The following DIP2C variants were observed in gnomAD, a reference collection of about 807,000 sequenced individuals.
The protein encoded by DIP2C is DIP2 acetate--CoA ligase C (putative), also known as disco-interacting protein 2 homolog C.
DIP2C carries 33 observed loss-of-function variants against 192.4 expected under a neutral mutation model. The observed-to-expected ratio is 0.17, with a 90% CI of 0.13 to 0.23. The LOEUF (loss-of-function observed/expected upper bound fraction) is 0.23. Ranked by LOEUF, DIP2C falls within the 10% of genes least tolerant of loss-of-function variation. The pLI, the probability that DIP2C is intolerant of heterozygous loss-of-function variation, is 1.00. For missense variants in DIP2C, 1,537 were observed against 2,110.1 expected (o/e 0.73, Z 5.32); for synonymous variants, 979 against 864.1 (o/e 1.13, Z -2.33).
chr10:622,670 C>T (rs1034813726), intron 1 of DIP2C, among the ~76,000 whole-genome samples: 7 of 152,178 alleles, frequency 4.6e-5, no homozygotes, highest in African/African-American at 1.7e-4. Flanking sequence ...ACTAAATACC[C>T]GATATTGACT....
intron 32 of DIP2C, 125 bp downstream of exon 32, chr10:309,906 A>T: frequency 1.1e-6 from 1 of 925,180 alleles, no homozygotes; most frequent in Non-Finnish European, 1.7e-6. Context: ...TTCACTCATG[A>T]GACAGTTACA....
chr10:423,810 C>A lies in DIP2C; in HGVS notation c.395-777G>T, dbSNP rs117919551. The stretch of plus-strand genomic sequence containing the variant: ...GAGAGAAAGCAGAACGTGCCTCACG[C>A]GGAGCAGCCCCTCCACCTCCCCGTT... On this transcript the variant is annotated intron_variant, in intron 4 of 36. Coordinates refer to ENST00000280886, the MANE Select transcript of DIP2C (RefSeq NM_014974.3). Among the ~76,000 whole-genome samples the A allele has an allele frequency of 2.7e-3, 406 of 152,316 alleles. 1 individual carries two copies. Among genetic ancestry groups the A allele is most frequent in the Admixed American group, 4.6e-3 (71 of 15,298 alleles).
At chr10:669,830 G>C (rs981185563) in intron 1 of DIP2C, among the ~76,000 whole-genome samples, 5 of 152,192 alleles carry the variant, frequency 3.3e-5, no homozygotes, top group Non-Finnish European at 5.9e-5. Flanking sequence ...TTTCCAATAA[G>C]TGGGAAACAT....
At chr10:438,081 CAGA>C (rs1033161528) in intron 4 of DIP2C, among the ~76,000 whole-genome samples, 22 of 152,302 alleles carry the variant, frequency 1.4e-4, no homozygotes, top group East Asian at 3.9e-4. Context: ...TGAAAATTTA[CAGA>C]AGGTTTTTTA....
intron 2 of DIP2C, among the ~76,000 whole-genome samples, chr10:484,175 A>G (rs984572236): frequency 3.3e-5 from 5 of 152,204 alleles, no homozygotes; most frequent in Non-Finnish European, 7.3e-5. Flanking sequence ...TTCCACCTGC[A>G]TATGATTTTC....
intron 32 of DIP2C, among the ~76,000 whole-genome samples, chr10:288,753 C>T (rs1364062787): frequency 2.0e-5 from 3 of 152,190 alleles, no homozygotes; most frequent in African/African-American, 2.4e-5. Flanking sequence ...GAAAGAGCTG[C>T]GGGTCACCCA....
intron 28 of DIP2C, among the ~76,000 whole-genome samples, chr10:344,295 C>A (rs965145945): frequency 6.7e-6 from 1 of 149,418 alleles, no homozygotes; most frequent in Admixed American, 6.8e-5. Flanking sequence ...GTGGACAGAG[C>A]GTGAGAACTG....
chr10:620,098 T>C (rs1051184232), intron 1 of DIP2C, among the ~76,000 whole-genome samples: 3 of 152,174 alleles, frequency 2.0e-5, no homozygotes, highest in African/African-American at 7.2e-5. Flanking sequence ...CAGGGTCACA[T>C]GTGGCTGAAT....
chr10:472,952 T>C (rs1003483784), intron 2 of DIP2C, among the ~76,000 whole-genome samples: 1 of 152,238 alleles, frequency 6.6e-6, no homozygotes, highest in Non-Finnish European at 1.5e-5. Flanking sequence ...TTTAAAAGTA[T>C]ATTTGTTATT....
intron 3 of DIP2C, among the ~76,000 whole-genome samples, chr10:464,353 A>G (rs559110208): frequency 3.0e-4 from 45 of 152,304 alleles, no homozygotes; most frequent in African/African-American, 1.1e-3. Flanking sequence ...CACTTCTCAA[A>G]AGAAGACATT....
At position 451,138 on chromosome 10, in the gene DIP2C, C is replaced by T. The variant is rs571149104; in HGVS notation, c.269-10142G>A. Among the ~76,000 whole-genome samples, 5 of 152,240 alleles carry T rather than the reference C, an allele frequency of 3.3e-5. No homozygotes were observed. In the South Asian group the frequency reaches 8.3e-4, roughly 25 times the overall value. ...GCAACAAACCCTCCCAGCCCTGTTC[C>T]TTCTACACCACATCCGGAACAGGCG... On this transcript the variant is annotated intron_variant, in intron 3 of 36. Coordinates refer to ENST00000280886, the MANE Select transcript of DIP2C (RefSeq NM_014974.3).
chr10:274,238 A>C lies in DIP2C; in HGVS notation c.*3087T>G, dbSNP rs1203828035. ...TATTTAGATATATTTAAAAGAATTA[A>C]AAAAAACATTTCACAAAACATTTGT... On this transcript the variant is annotated 3_prime_UTR_variant, in exon 37 of 37. Coordinates refer to ENST00000280886, the MANE Select transcript of DIP2C (RefSeq NM_014974.3). The C allele has an allele frequency of 1.3e-5, 2 of 149,720 alleles. No individual in the cohort carries two copies. The highest frequency in any genetic ancestry group is 3.9e-4 in the East Asian group (2 of 5,192). The allele number at this position is 149,720 out of a possible 1,614,324, so 9.3% of individuals were successfully genotyped here.
At chr10:602,874 G>A (rs554924484) in intron 1 of DIP2C, among the ~76,000 whole-genome samples, 1 of 152,262 alleles carries the variant, frequency 6.6e-6, no homozygotes, top group Non-Finnish European at 1.5e-5. Flanking sequence ...AGGCCGGACA[G>A]CAACATGTCA....
intron 2 of DIP2C, among the ~76,000 whole-genome samples, chr10:473,842 T>G (rs1394965030): frequency 6.6e-6 from 1 of 152,142 alleles, no homozygotes; most frequent in African/African-American, 2.4e-5. Flanking sequence ...CTTATGAGAG[T>G]TGTAGAGTCT....
chr10:448,128 C>T (rs191840025), intron 3 of DIP2C, among the ~76,000 whole-genome samples: 187 of 109,414 alleles, frequency 1.7e-3, no homozygotes, highest in African/African-American at 7.5e-3. Context: ...CCCATCTATA[C>T]TCAGGATCAC....
intron 1 of DIP2C, among the ~76,000 whole-genome samples, chr10:681,095 C>A (rs1037210563): frequency 2.0e-5 from 3 of 151,982 alleles, no homozygotes; most frequent in African/African-American, 7.3e-5. Context: ...ATGGTACAGC[C>A]ACCATCTATG....
Position 479,295 on chromosome 10 carries a change from G to A in DIP2C, c.158-6746C>T, listed in dbSNP as rs116657109. ...TGGTAAGACTGAAATTCCATTCTAA[G>A]CACCTGCCCTAACCCCATGAATTCT... On this transcript the variant is annotated intron_variant, in intron 2 of 36. Transcript: ENST00000280886. Among the ~76,000 whole-genome samples the A allele has an allele frequency of 3.6e-3, 526 of 145,802 alleles. 8 individuals are homozygous for A. The highest frequency in any genetic ancestry group is 0.013 in the African/African-American group (507 of 39,796).
chr10:414,737 G>GTATATATATA (rs1213629573), intron 7 of DIP2C, among the ~76,000 whole-genome samples: 710 of 55,772 alleles, frequency 0.013, 30 homozygotes, highest in East Asian at 0.039. Context: ...GTGTGTGTGT[G>GTATATATATA]TGTACATATA....
intron 3 of DIP2C, among the ~76,000 whole-genome samples, chr10:461,255 C>A (rs535808362): frequency 6.6e-6 from 1 of 152,290 alleles, no homozygotes; most frequent in Admixed American, 6.5e-5. Context: ...CACAGACTGG[C>A]AAACTGGATA....
Sources: allele counts gnomAD v4.1 joint callset (sites outside exome capture counted in the v4.1 genomes callset), GRCh38; gene constraint gnomAD v4.1.1; transcripts MANE v1.5; gene names NCBI Gene and HGNC (gene_info 2026-07-23, HGNC 2026-07-21).